RNF38: variants seen among roughly 807,000 people sequenced by gnomAD.
The protein encoded by RNF38 is ring finger protein 38, also known as E3 ubiquitin-protein ligase RNF38.
A neutral mutation model predicts 67.2 loss-of-function variants in RNF38; 15 were observed. The ratio of observed to expected loss-of-function variants is 0.22; its 90% CI spans 0.15 to 0.34. The LOEUF (loss-of-function observed/expected upper bound fraction) is 0.34, where lower values mean the gene tolerates loss of function less well. Among genes scored for constraint, RNF38 ranks in the 10% least tolerant of loss-of-function variants. The pLI, the probability that RNF38 is intolerant of heterozygous loss-of-function variation, is 1.00. For synonymous variants in RNF38, 220 were observed against 218.8 expected (o/e 1.01, Z -0.05); for missense variants, 524 against 639.9 (o/e 0.82, Z 1.95).
intron 2 of RNF38, among the ~76,000 whole-genome samples, chr9:36,381,332 G>A (rs1251246451): frequency 6.6e-6 from 1 of 152,104 alleles, no homozygotes; most frequent in Non-Finnish European, 1.5e-5. Flanking sequence ...AGAGACCCCA[G>A]AGAAACTAGA....
chr9:36,487,661 C>G (rs1238600813), upstream of RNF38: 4 of 820,264 alleles, frequency 4.9e-6, no homozygotes, highest in Admixed American at 1.9e-4. Context: ...ACGGAGGCGG[C>G]TCCCGAAGGG....
rs1832609821 is a variant in RNF38 at position 36,338,558 on chromosome 9, T to C, written c.*1194A>G. Reference sequence around the variant, plus strand: ...AATTGGAGTCTGGCAAGTGAATTAATATGAACAGAAATAGAGTTTTCTTAA... The same window carrying C: ...AATTGGAGTCTGGCAAGTGAATTAACATGAACAGAAATAGAGTTTTCTTAA... On this transcript the variant is annotated 3_prime_UTR_variant, in exon 12 of 12. Transcript: ENST00000259605. The C allele has an allele frequency of 6.6e-6, 1 of 152,162 alleles. No homozygotes were observed. Among genetic ancestry groups the C allele is most frequent in the Non-Finnish European group, 1.5e-5 (1 of 68,036 alleles). 9.4% of individuals were successfully genotyped at this position (152,162 alleles called of 1,614,324 possible).
intron 1 of RNF38, among the ~76,000 whole-genome samples, chr9:36,453,423 C>A (rs974149690): frequency 6.7e-6 from 1 of 150,274 alleles, no homozygotes; most frequent in Non-Finnish European, 1.5e-5. Flanking sequence ...CACTCTGTTA[C>A]CCAGGCTGGA....
chr9:36,399,081 G>A (rs1218215254), intron 1 of RNF38, among the ~76,000 whole-genome samples: 2 of 152,198 alleles, frequency 1.3e-5, no homozygotes, highest in African/African-American at 4.8e-5. Flanking sequence ...AGTTATGTCT[G>A]ACTATGCCAT....
intron 1 of RNF38, among the ~76,000 whole-genome samples, chr9:36,436,818 C>CAAAAA (rs35428713): frequency 3.7e-5 from 3 of 80,322 alleles, no homozygotes; most frequent in East Asian, 6.7e-4. Flanking sequence ...CGAGACTCCT[C>CAAAAA]AAAAAAAAAA....
At chr9:36,350,240 G>A (rs1025260336) in intron 9 of RNF38, among the ~76,000 whole-genome samples, 2 of 152,202 alleles carry the variant, frequency 1.3e-5, no homozygotes, top group East Asian at 1.9e-4. Context: ...GAACATGCAT[G>A]GTCTTATAAT....
intron 2 of RNF38, among the ~76,000 whole-genome samples, chr9:36,380,476 A>G (rs1836131185): frequency 6.6e-6 from 1 of 151,402 alleles, no homozygotes; most frequent in Non-Finnish European, 1.5e-5. Flanking sequence ...CTGGGATTAC[A>G]GGCGTGAGCC....
At chr9:36,487,584 C>T (rs1840451142), upstream of RNF38, 3 of 979,122 alleles carry the variant, frequency 3.1e-6, no homozygotes, top group Non-Finnish European at 3.6e-6. Context: ...GCAGCGGCTC[C>T]GGCTGCGACT....
rs1839656728 is a variant in RNF38, at chr9:36,458,893, C to CATCAAG, written n.241+28409_241+28414dup. Among the ~76,000 whole-genome samples the CATCAAG allele has an allele frequency of 2.0e-5, 3 of 152,270 alleles. No individual in the cohort carries two copies. The South Asian group carries it at 6.2e-4, about 32-fold the overall frequency. ...CACATTTGGTGTCTTAACCACAGAC[C>CATCAAG]ATCAAGACATTCTGTAAGACAGAAA... On this transcript the variant is annotated intron_variant and non_coding_transcript_variant, in intron 1 of 3. Coordinates refer to the RNF38 transcript ENST00000488058.
At chr9:36,487,058 C>T (rs1840431475) in intron 1 of RNF38, among the ~76,000 whole-genome samples, 3 of 152,226 alleles carry the variant, frequency 2.0e-5, no homozygotes, top group South Asian at 4.1e-4. Context: ...CTCCGCCGAG[C>T]AGAGACCTAG....
In RNF38 at chr9:36,352,855, G is replaced by A. The variant is rs778855476; in HGVS notation, c.1072-7C>T. On this transcript the variant is annotated splice_polypyrimidine_tract_variant and splice_region_variant and intron_variant, in intron 7 of 11. Coordinates refer to ENST00000259605, the MANE Select transcript of RNF38 (RefSeq NM_022781.5). ...GCATAAATGGAGGATAAGGCTGCAAGGGGAAAAATGTTAAGATTTAGAATC... is the reference window on the plus strand; with the variant it reads ...GCATAAATGGAGGATAAGGCTGCAAAGGGAAAAATGTTAAGATTTAGAATC... 21 of 1,585,112 alleles carry A rather than the reference G, an allele frequency of 1.3e-5. No individual in the cohort carries two copies. The highest frequency in any genetic ancestry group is 1.2e-4 in the Admixed American group (7 of 59,792).
chr9:36,367,380 CCTT>C (rs1338781992), intron 4 of RNF38, among the ~76,000 whole-genome samples: 2 of 152,246 alleles, frequency 1.3e-5, no homozygotes, highest in East Asian at 3.9e-4. Flanking sequence ...CACTTTAAGA[CCTT>C]CTAATAAGAA....
At position 36,348,525 on chromosome 9, in the gene RNF38, C is replaced by T. The variant is rs996689089; in HGVS notation, c.1263+2590G>A. ...AAAACAGAAAAGTCACTCCAGTGAA[C>T]GCACGAATAAGAAAGCAAAGCAGCC... is the stretch of plus-strand genomic sequence containing the variant. On this transcript the variant is annotated intron_variant, in intron 9 of 11. Coordinates refer to ENST00000259605, the MANE Select transcript of RNF38 (RefSeq NM_022781.5). 3.9e-5 allele frequency among the ~76,000 whole-genome samples: 6 copies of T among 152,036 alleles called. No individual in the cohort carries two copies. In the East Asian group the frequency reaches 9.6e-4, roughly 24 times the overall value.
At position 36,339,537 on chromosome 9, in the gene RNF38, T is replaced by C. The variant is rs956829507; in HGVS notation, c.*215A>G. 4 of 485,712 alleles carry C rather than the reference T, an allele frequency of 8.2e-6. No homozygotes were observed. Among genetic ancestry groups the C allele is most frequent in the African/African-American group, 3.8e-5 (2 of 52,248 alleles). 30.1% of individuals were successfully genotyped at this position (485,712 alleles called of 1,614,324 possible). A position where few individuals can be genotyped will look rare whatever the true frequency, so the allele number is the denominator to read the frequency against. On this transcript the variant is annotated 3_prime_UTR_variant, in exon 12 of 12. Coordinates refer to ENST00000259605, the MANE Select transcript of RNF38 (RefSeq NM_022781.5). The stretch of plus-strand genomic sequence containing the variant: ...CAAAATTAAGCTAAAGAAAAAGTCT[T>C]TGGAGTTCCAATCACACGGTTAGTA...
chr9:36,400,314 A>G (rs1395558677), upstream of RNF38: 15 of 1,263,870 alleles, frequency 1.2e-5, no homozygotes, highest in East Asian at 4.3e-4. Context: ...CTCCTGGGTG[A>G]CATCATTTCA....
At chr9:36,352,684 G>A in intron 8 of RNF38, 58 bp downstream of exon 8, 1 of 1,219,936 alleles carries the variant, frequency 8.2e-7, no homozygotes, top group Non-Finnish European at 1.2e-6. Context: ...ATTCACAAAG[G>A]AAAGAGAATC....
chr9:36,352,864 T>C lies in RNF38; in HGVS notation c.1072-16A>G. 2.6e-6 allele frequency: 4 copies of C among 1,553,432 alleles called. No individual in the cohort carries two copies. Among genetic ancestry groups the C allele is most frequent in the Non-Finnish European group, 3.6e-6 (4 of 1,125,336 alleles). On this transcript the variant is annotated splice_polypyrimidine_tract_variant and intron_variant, in intron 7 of 11. Transcript: ENST00000259605. Reference sequence around the variant, plus strand: ...GAGGATAAGGCTGCAAGGGGAAAAATGTTAAGATTTAGAATCACTCTACGT... The same window carrying C: ...GAGGATAAGGCTGCAAGGGGAAAAACGTTAAGATTTAGAATCACTCTACGT...
At chr9:36,384,245 A>C (rs1836426841) in intron 2 of RNF38, among the ~76,000 whole-genome samples, 1 of 152,258 alleles carries the variant, frequency 6.6e-6, no homozygotes, top group African/African-American at 2.4e-5. Flanking sequence ...TAAAGTATAA[A>C]CATGAAACCA....
At chr9:36,460,224 A>G (rs765338020) in intron 1 of RNF38, among the ~76,000 whole-genome samples, 2 of 152,220 alleles carry the variant, frequency 1.3e-5, no homozygotes, top group Non-Finnish European at 2.9e-5. Context: ...AGCAATAAAT[A>G]TACTAGAAAT....
Sources: allele counts gnomAD v4.1 joint callset (sites outside exome capture counted in the v4.1 genomes callset), GRCh38; gene constraint gnomAD v4.1.1; transcripts MANE v1.5; gene names NCBI Gene and HGNC (gene_info 2026-07-23, HGNC 2026-07-21).